CSMD3: variants seen among roughly 807,000 people sequenced by gnomAD.
CSMD3 encodes CUB and sushi domain-containing protein 3.
A neutral mutation model predicts 435.2 loss-of-function variants in CSMD3; 177 were observed. The observed-to-expected ratio is 0.41, with a 90% confidence interval of 0.36 to 0.46. The LOEUF is 0.46. Ranked by LOEUF, CSMD3 falls within the 20% of genes least tolerant of loss-of-function variation. The pLI is 0.34. For missense variants in CSMD3, 4,265 were observed against 4,504.6 expected (o/e 0.95, Z 1.52); for synonymous variants, 1,656 against 1,520.5 (o/e 1.09, Z -2.07).
intron 10 of CSMD3, among the ~76,000 whole-genome samples, chr8:112,880,808 G>GA (rs1411239545): frequency 1.3e-5 from 2 of 151,914 alleles, no homozygotes; most frequent in East Asian, 3.9e-4. Context: ...TAAGGAGATC[G>GA]ATCCAGCTGC....
At chr8:112,889,731 A>G (rs747311186) in intron 10 of CSMD3, among the ~76,000 whole-genome samples, 1 of 151,752 alleles carries the variant, frequency 6.6e-6, no homozygotes, top group Non-Finnish European at 1.5e-5. Flanking sequence ...TATTTTTAAC[A>G]TATTACAGAT....
chr8:112,882,635 G>A (rs1240314930), intron 10 of CSMD3, among the ~76,000 whole-genome samples: 1 of 151,726 alleles, frequency 6.6e-6, no homozygotes, highest in Non-Finnish European at 1.5e-5. Flanking sequence ...CATTTTCTTG[G>A]GCACATCCTC....
intron 55 of CSMD3, 95 bp from the exon 56 acceptor site, chr8:112,291,790 G>A (rs1049979871): frequency 1.2e-6 from 1 of 814,094 alleles, no homozygotes; most frequent in Non-Finnish European, 2.0e-6. Flanking sequence ...AGTTTCAAAA[G>A]TAAATTTATT....
intron 1 of CSMD3, among the ~76,000 whole-genome samples, chr8:113,363,277 T>G (rs928592873): frequency 1.8e-5 from 2 of 113,326 alleles, no homozygotes; most frequent in Middle Eastern, 4.7e-3. Context: ...TATAGTTAAT[T>G]GCTTACACGC....
chr8:112,763,888 T>G (rs2077908803), intron 13 of CSMD3, among the ~76,000 whole-genome samples: 1 of 151,240 alleles, frequency 6.6e-6, no homozygotes, highest in African/African-American at 2.4e-5. Context: ...ATGAAATTCT[T>G]TAGCTTTTTT....
chr8:112,954,634 C>A (rs893994970), intron 8 of CSMD3, 50 bp downstream of exon 8: 3 of 1,181,618 alleles, frequency 2.5e-6, no homozygotes, highest in African/African-American at 3.0e-5. Flanking sequence ...ACAGACACCA[C>A]AAACTTCACT....
rs10111367 is a variant in CSMD3 at position 112,537,181 on chromosome 8, A to T, written c.4564+13490T>A. Among the ~76,000 whole-genome samples, 166 of 150,984 alleles carry T rather than the reference A, an allele frequency of 1.1e-3. 2 individuals are homozygous for T. Among genetic ancestry groups the T allele is most frequent in the African/African-American group, 4.0e-3 (163 of 41,030 alleles). ...ACTTAAAGTATAATAATAATAAAATAAAAAAAAAGATTTCTTGAAAAAAGG... is the reference window on the plus strand; with the variant it reads ...ACTTAAAGTATAATAATAATAAAATTAAAAAAAAGATTTCTTGAAAAAAGG... On this transcript the variant is annotated intron_variant, in intron 27 of 70. Transcript: ENST00000297405.
Position 112,304,799 on chromosome 8 carries a change from G to A in CSMD3, c.8188C>T (p.His2730Tyr). The A allele has an allele frequency of 6.2e-7, 1 of 1,613,798 alleles. No homozygotes were observed. Among genetic ancestry groups the A allele is most frequent in the South Asian group, 1.1e-5 (1 of 91,080 alleles). ...KVVFSCDPGY[H>Y]GLGPASIECL... ...TCGATGGAGGCAGGACCTAGTCCAT[G>A]ATAACCAGGGTCACAGCTGAAAACT... The change falls in exon 52 of 71, where the codon CAT becomes TAT. Residue 2730 changes from histidine (H) to tyrosine (Y), a missense_variant. Around this residue, in one of 3 missense-constraint regions of CSMD3, gnomAD observed 3,255 missense variants for 3,380.2 expected, o/e 0.96. Coordinates refer to ENST00000297405, the MANE Select transcript of CSMD3 (RefSeq NM_198123.2).
intron 2 of CSMD3, among the ~76,000 whole-genome samples, chr8:113,302,623 G>C (rs531592077): frequency 6.6e-6 from 1 of 151,840 alleles, no homozygotes; most frequent in African/African-American, 2.4e-5. Flanking sequence ...ATTATCAAAT[G>C]GTCACTTCGA....
At chr8:113,015,890 G>A (rs2086438456) in intron 6 of CSMD3, among the ~76,000 whole-genome samples, 1 of 151,802 alleles carries the variant, frequency 6.6e-6, no homozygotes, top group South Asian at 2.1e-4. Context: ...AAATAAGTAA[G>A]AGGACTTCCA....
intron 13 of CSMD3, among the ~76,000 whole-genome samples, chr8:112,786,737 AG>A (rs2078550470): frequency 6.6e-6 from 1 of 152,060 alleles, no homozygotes; most frequent in South Asian, 2.1e-4. Context: ...CTGATAAAAA[AG>A]ACTTTTTTTA....
At chr8:112,677,032 T>C (rs1000202224) in intron 16 of CSMD3, among the ~76,000 whole-genome samples, 2 of 152,120 alleles carry the variant, frequency 1.3e-5, no homozygotes, top group African/African-American at 4.8e-5. Flanking sequence ...AGGTGAAGAA[T>C]TTATTCACCA....
At chr8:112,490,843 C>T (rs1820617459) in intron 31 of CSMD3, among the ~76,000 whole-genome samples, 1 of 151,998 alleles carries the variant, frequency 6.6e-6, no homozygotes, top group South Asian at 2.1e-4. Flanking sequence ...TACAGTGACC[C>T]TTTCTCCTAA....
chr8:112,717,533 A>G lies in CSMD3; in HGVS notation c.1973-27483T>C, dbSNP rs531506208. 3.2e-4 allele frequency among the ~76,000 whole-genome samples: 48 copies of G among 152,286 alleles called. 1 individual carries two copies. The South Asian group carries it at 9.7e-3, about 31-fold the overall frequency. ...TCCTCAAGGATCTAGAACCAGAAAT[A>G]CCATTTGACCCAGCAATCCCATTAC... On this transcript the variant is annotated intron_variant, in intron 13 of 70. Coordinates refer to ENST00000297405, the MANE Select transcript of CSMD3 (RefSeq NM_198123.2).
chr8:113,208,785 CAT>C (rs1388833205), intron 3 of CSMD3, among the ~76,000 whole-genome samples: 1 of 151,690 alleles, frequency 6.6e-6, no homozygotes, highest in Non-Finnish European at 1.5e-5. Flanking sequence ...TATATACAGA[CAT>C]ATATGAAGTA....
At chr8:113,123,734 A>G (rs541880224) in intron 4 of CSMD3, among the ~76,000 whole-genome samples, 1 of 151,976 alleles carries the variant, frequency 6.6e-6, no homozygotes, top group South Asian at 2.1e-4. Context: ...TGGCTGAGGT[A>G]TCCTTTTTTG....
chr8:113,360,552 C>G (rs1463357148), intron 1 of CSMD3, among the ~76,000 whole-genome samples: 1 of 150,586 alleles, frequency 6.6e-6, no homozygotes, highest in Non-Finnish European at 1.5e-5. Flanking sequence ...TATCTAAGCA[C>G]TGACAAGTGA....
At chr8:112,337,954 C>T (rs142730800) in intron 42 of CSMD3, among the ~76,000 whole-genome samples, 3 of 152,224 alleles carry the variant, frequency 2.0e-5, no homozygotes, top group East Asian at 3.9e-4. Context: ...TTAATAAAAA[C>T]GCATGCTTTC....
intron 3 of CSMD3, among the ~76,000 whole-genome samples, chr8:113,198,942 G>T (rs943541099): frequency 2.1e-4 from 32 of 151,146 alleles, no homozygotes; most frequent in African/African-American, 7.7e-4. Flanking sequence ...TTAATTTCCT[G>T]CTTGAAATAA....
Sources: allele counts gnomAD v4.1 joint callset (sites outside exome capture counted in the v4.1 genomes callset), GRCh38; gene constraint gnomAD v4.1.1; regional missense constraint gnomAD v4.1.1; transcripts MANE v1.5; gene names NCBI Gene and HGNC (gene_info 2026-07-23, HGNC 2026-07-21).